The following HECW2 variants were observed in gnomAD, a reference collection of about 807,000 sequenced individuals.
HECW2 encodes E3 ubiquitin-protein ligase HECW2.
In HECW2, 61 loss-of-function variants were observed where a neutral mutation model predicts 175.2. The observed-to-expected ratio is 0.35, with a 90% CI of 0.28 to 0.43. The LOEUF is 0.43. Ranked by LOEUF, HECW2 falls within the 20% of genes least tolerant of loss-of-function variation. HECW2 has a pLI of 1.00. For missense variants in HECW2, 1,524 were observed against 2,000.5 expected (o/e 0.76, Z 4.54); for synonymous variants, 671 against 731.0 (o/e 0.92, Z 1.32).
chr2:196,204,199 T>A (rs1419270337), intron 28 of HECW2, among the ~76,000 whole-genome samples: 1 of 152,186 alleles, frequency 6.6e-6, no homozygotes, highest in East Asian at 1.9e-4. Flanking sequence ...GTCCTCCTTT[T>A]CAATTTTTTG....
At chr2:196,324,714 T>TA (rs1008021141) in intron 6 of HECW2, among the ~76,000 whole-genome samples, 9 of 152,116 alleles carry the variant, frequency 5.9e-5, no homozygotes, top group East Asian at 1.9e-4. Context: ...AATTGTGAGT[T>TA]AAAAAAAACT....
intron 2 of HECW2, among the ~76,000 whole-genome samples, chr2:196,398,838 G>A (rs538771914): frequency 1.3e-5 from 2 of 152,258 alleles, no homozygotes; most frequent in South Asian, 4.1e-4. Context: ...GCTAAGCATG[G>A]TGGTGCACGC....
At chr2:196,449,735 G>T (rs1052042517) in intron 1 of HECW2, among the ~76,000 whole-genome samples, 3 of 152,086 alleles carry the variant, frequency 2.0e-5, no homozygotes, top group African/African-American at 7.2e-5. Context: ...AATTTCAAAT[G>T]AATTAAAATA....
intron 2 of HECW2, among the ~76,000 whole-genome samples, chr2:196,410,607 G>C (rs1695084054): frequency 6.6e-6 from 1 of 152,060 alleles, no homozygotes; most frequent in Admixed American, 6.5e-5. Flanking sequence ...ATGAAGTCTT[G>C]GAAATTCAGT....
At chr2:196,399,736 G>T (rs1032792398) in intron 2 of HECW2, among the ~76,000 whole-genome samples, 4 of 152,200 alleles carry the variant, frequency 2.6e-5, no homozygotes, top group African/African-American at 9.7e-5. Context: ...AGTCTCCTAA[G>T]TAGGACTGAC....
At chr2:196,404,592 T>C (rs1221148969) in intron 2 of HECW2, among the ~76,000 whole-genome samples, 2 of 152,116 alleles carry the variant, frequency 1.3e-5, no homozygotes, top group Non-Finnish European at 2.9e-5. Flanking sequence ...TCTTGGAAAA[T>C]GTTTCCTGTC....
In HECW2 at chr2:196,565,243, A is replaced by G. The variant is rs79733610; in HGVS notation, c.-36+28265T>C. 2.4e-3 allele frequency among the ~76,000 whole-genome samples: 359 copies of G among 152,306 alleles called. 1 individual carries two copies. The highest frequency in any genetic ancestry group is 8.2e-3 in the African/African-American group (341 of 41,566). ...GAGATCAAGGAAAAAAATTACCAAA[A>G]GCTGCAGGTTAAATCAGTGAAAACT... On this transcript the variant is annotated intron_variant, in intron 1 of 28. Coordinates refer to ENST00000644978, the MANE Select transcript of HECW2 (RefSeq NM_001348768.2).
chr2:196,253,914 A>G lies in HECW2; in HGVS notation c.3529+6T>C. ...AGAATTCACTGTGAGCAGCAGGTGG[A>G]CTCACCTGGCGAGTTCTGAGGAGAT... is the stretch of plus-strand genomic sequence containing the variant. On this transcript the variant is annotated splice_donor_region_variant and intron_variant, in intron 19 of 28. Transcript: ENST00000644978. 6.2e-7 allele frequency: 1 copy of G among 1,612,424 alleles called. No individual in the cohort carries two copies. Among genetic ancestry groups the G allele is most frequent in the Non-Finnish European group, 8.5e-7 (1 of 1,178,588 alleles).
chr2:196,542,884 A>T (rs1575655770), intron 1 of HECW2, among the ~76,000 whole-genome samples: 1 of 133,366 alleles, frequency 7.5e-6, no homozygotes, highest in Non-Finnish European at 1.7e-5. Context: ...ATATATCTAT[A>T]TATAGGTATA....
chr2:196,222,680 GA>G (rs1687711596), intron 23 of HECW2, among the ~76,000 whole-genome samples: 1 of 152,046 alleles, frequency 6.6e-6, no homozygotes. Flanking sequence ...CACTCGGGTT[GA>G]CAACTTGGAT....
chr2:196,247,154 G>A (rs56056308), intron 19 of HECW2, among the ~76,000 whole-genome samples: 31,747 of 152,004 alleles, frequency 0.21, 4,000 homozygotes, highest in East Asian at 0.41. Context: ...GGGGGGCTGA[G>A]GCAGGAGAAT....
At chr2:196,490,917 G>A (rs368742246) in intron 1 of HECW2, among the ~76,000 whole-genome samples, 3 of 152,218 alleles carry the variant, frequency 2.0e-5, no homozygotes, top group African/African-American at 4.8e-5. Flanking sequence ...AATCTAGAAA[G>A]ACAGAAAGTA....
At chr2:196,466,152 C>A (rs935859738) in intron 1 of HECW2, among the ~76,000 whole-genome samples, 2 of 152,178 alleles carry the variant, frequency 1.3e-5, no homozygotes, top group African/African-American at 2.4e-5. Context: ...CCTACTCCAT[C>A]CATGAGGTTG....
intron 1 of HECW2, among the ~76,000 whole-genome samples, chr2:196,436,400 CAAAAAAAA>C (rs35290180): frequency 6.1e-5 from 5 of 82,078 alleles, no homozygotes; most frequent in African/African-American, 2.2e-4. Context: ...GACTCCATCT[CAAAAAAAA>C]AAAAAAAAAA....
In HECW2 at chr2:196,546,639, G is replaced by A. The variant is rs567692870; in HGVS notation, c.-36+46869C>T. 2.0e-5 allele frequency among the ~76,000 whole-genome samples: 3 copies of A among 152,216 alleles called. No individual in the cohort carries two copies. The South Asian group carries it at 6.2e-4, about 32-fold the overall frequency. The stretch of plus-strand genomic sequence containing the variant: ...GGGGTTGGTGCTTGACCTACCTAAA[G>A]GTTTCAGCTCTGGACTGGGTATGAG... On this transcript the variant is annotated intron_variant, in intron 1 of 28. Transcript: ENST00000644978.
chr2:196,518,568 T>C (rs1350423495), intron 1 of HECW2, among the ~76,000 whole-genome samples: 2 of 150,142 alleles, frequency 1.3e-5, no homozygotes, highest in South Asian at 2.1e-4. Flanking sequence ...GACAGAAGAA[T>C]TGCTTGAACC....
intron 1 of HECW2, among the ~76,000 whole-genome samples, chr2:196,564,802 A>G (rs962546818): frequency 1.3e-5 from 2 of 152,142 alleles, no homozygotes; most frequent in African/African-American, 4.8e-5. Flanking sequence ...AATTAAAGTC[A>G]TCTCCATCCT....
intron 13 of HECW2, among the ~76,000 whole-genome samples, chr2:196,296,763 A>G (rs1425670841): frequency 6.6e-6 from 1 of 152,210 alleles, no homozygotes; most frequent in African/African-American, 2.4e-5. Flanking sequence ...AAAATACTGA[A>G]ACACACGGAC....
At chr2:196,478,007 A>G (rs1686713953) in intron 1 of HECW2, among the ~76,000 whole-genome samples, 1 of 152,120 alleles carries the variant, frequency 6.6e-6, no homozygotes, top group South Asian at 2.1e-4. Flanking sequence ...AGCCGAGATC[A>G]TGCCACTGCA....
Sources: gnomAD v4.1 joint callset for allele counts (sites outside exome capture counted in the v4.1 genomes callset) on GRCh38, gnomAD v4.1.1 for gene constraint, MANE v1.5 for transcripts, NCBI Gene and HGNC (gene_info 2026-07-23, HGNC 2026-07-21) for gene names.